Variants in BCKDHB observed in about 807,000 individuals in gnomAD.
The protein encoded by BCKDHB is 2-oxoisovalerate dehydrogenase subunit beta, mitochondrial.
In BCKDHB, 41 loss-of-function variants were observed where a neutral mutation model predicts 48.5. The ratio of observed to expected loss-of-function variants is 0.85; its 90% CI spans 0.66 to 1.10. The LOEUF (loss-of-function observed/expected upper bound fraction) is 1.10, where lower values mean the gene tolerates loss of function less well. Ranked by LOEUF, BCKDHB falls within the 50% of genes least tolerant of loss-of-function variation. BCKDHB has a pLI of 0.00. For missense variants in BCKDHB, 496 were observed against 494.2 expected (o/e 1.00, Z -0.03); for synonymous variants, 201 against 174.8 (o/e 1.15, Z -1.18).
chr6:80,266,535 T>C (rs776430946), intron 8 of BCKDHB, among the ~76,000 whole-genome samples: 2 of 152,102 alleles, frequency 1.3e-5, no homozygotes, highest in Non-Finnish European at 2.9e-5. Context: ...AACGGGAAGC[T>C]TGTGTTCAGT....
chr6:80,459,588 T>C, the BCKDHB span, among the ~76,000 whole-genome samples: 3 of 151,978 alleles, frequency 2.0e-5, no homozygotes, highest in Non-Finnish European at 4.4e-5. Context: ...ATGTACTGTA[T>C]GCTTAAAATT....
In BCKDHB at chr6:80,230,023, G is replaced by GTTTTTTTTTTTTT. The variant is rs1215666594; in HGVS notation, c.951+26813_951+26814insTTTTTTTTTTTTT. Reference sequence around the variant, plus strand: ...ATTTGAATTCCAAAGGGGTTTTTAGGTTGTTTTTTTTTTTTTTTTTTTTTT... The same window carrying GTTTTTTTTTTTTT: ...ATTTGAATTCCAAAGGGGTTTTTAGGTTTTTTTTTTTTTTTGTTTTTTTTTTTTTTTTTTTTTT... On this transcript the variant is annotated intron_variant, in intron 8 of 9. Coordinates refer to ENST00000320393, the MANE Select transcript of BCKDHB (RefSeq NM_183050.4). Among the ~76,000 whole-genome samples, 5 of 89,510 alleles carry GTTTTTTTTTTTTT rather than the reference G, an allele frequency of 5.6e-5. 1 individual carries two copies. The highest frequency in any genetic ancestry group is 1.7e-4 in the African/African-American group (3 of 17,634). 58.7% of individuals were successfully genotyped at this position (89,510 alleles called of 152,430 possible). A position where few individuals can be genotyped will look rare whatever the true frequency, so the allele number is the denominator to read the frequency against.
intron 9 of BCKDHB, among the ~76,000 whole-genome samples, chr6:80,334,445 A>G (rs939652631): frequency 6.6e-6 from 1 of 152,058 alleles, no homozygotes; most frequent in Non-Finnish European, 1.5e-5. Flanking sequence ...ATGGGGTTCA[A>G]TTAACAAATT....
chr6:80,424,788 G>A, the BCKDHB span, among the ~76,000 whole-genome samples: 1 of 152,180 alleles, frequency 6.6e-6, no homozygotes, highest in South Asian at 2.1e-4. Flanking sequence ...TTTTAGCAAA[G>A]GGTATTTTTG....
Position 80,168,179 on chromosome 6 carries a change from T to C in BCKDHB, c.477+368T>C, listed in dbSNP as rs192435454. ...CACATACCTGTCATCCCAGTTACTC[T>C]GGTGGCTGAGGCAGGAGGATAACTT... On this transcript the variant is annotated intron_variant, in intron 4 of 9. Coordinates refer to ENST00000320393, the MANE Select transcript of BCKDHB (RefSeq NM_183050.4). Among the ~76,000 whole-genome samples, 4 of 151,902 alleles carry C rather than the reference T, an allele frequency of 2.6e-5. No homozygotes were observed. In the South Asian group the frequency reaches 6.2e-4, roughly 24 times the overall value.
At chr6:80,127,656 C>T (rs769155158) in intron 2 of BCKDHB, 32 bp downstream of exon 2, 19 of 1,552,214 alleles carry the variant, frequency 1.2e-5, no homozygotes, top group Non-Finnish European at 1.7e-5. Flanking sequence ...ATTGTGGTAG[C>T]TGTGTTAATT....
intron 8 of BCKDHB, among the ~76,000 whole-genome samples, chr6:80,263,528 A>G (rs901164806): frequency 4.6e-5 from 7 of 151,172 alleles, no homozygotes; most frequent in African/African-American, 1.7e-4. Context: ...CAAAAACCCA[A>G]AAGATTTTAA....
At chr6:80,419,800 C>T in the BCKDHB span, among the ~76,000 whole-genome samples, 2 of 152,186 alleles carry the variant, frequency 1.3e-5, no homozygotes, top group African/African-American at 2.4e-5. Context: ...GTCCCATGAA[C>T]GGTTCCCAGC....
the BCKDHB span, among the ~76,000 whole-genome samples, chr6:80,460,704 G>A: frequency 6.6e-6 from 1 of 152,108 alleles, no homozygotes; most frequent in African/African-American, 2.4e-5. Flanking sequence ...AACCTGATGA[G>A]CTCTATCCCA....
At chr6:80,234,690 G>C (rs527521085) in intron 8 of BCKDHB, among the ~76,000 whole-genome samples, 4 of 152,106 alleles carry the variant, frequency 2.6e-5, no homozygotes, top group African/African-American at 7.2e-5. Context: ...TGCTGGCTGT[G>C]TATACTAAAA....
chr6:80,435,429 A>C, the BCKDHB span, among the ~76,000 whole-genome samples: 4 of 152,328 alleles, frequency 2.6e-5, no homozygotes, highest in East Asian at 7.7e-4. Flanking sequence ...CAACTCATTC[A>C]TAACTTTATT....
At chr6:80,146,201 C>G (rs74515978) in intron 3 of BCKDHB, among the ~76,000 whole-genome samples, 10,945 of 152,028 alleles carry the variant, frequency 0.072, 591 homozygotes, top group South Asian at 0.24. Flanking sequence ...AACTACTGCT[C>G]TGGAAGGTAC....
the BCKDHB span, among the ~76,000 whole-genome samples, chr6:80,386,913 T>C: frequency 1.3e-5 from 2 of 152,138 alleles, no homozygotes; most frequent in Non-Finnish European, 2.9e-5. Flanking sequence ...CTTGAATGAA[T>C]GGGAGGAGGG....
At chr6:80,205,791 GGTGT>G (rs3840387) in intron 8 of BCKDHB, among the ~76,000 whole-genome samples, 2,929 of 135,098 alleles carry the variant, frequency 0.022, 30 homozygotes, top group East Asian at 0.044. Flanking sequence ...CTGTGCCATG[GGTGT>G]GTGTGTGTGT....
At chr6:80,453,972 G>A in the BCKDHB span, 1 of 152,174 alleles carries the variant, frequency 6.6e-6, no homozygotes, top group Admixed American at 6.5e-5. Context: ...CCCTGAGAAA[G>A]GCTCTGCTTA....
chr6:80,106,930 G>A (rs1377222692), intron 1 of BCKDHB, 41 bp downstream of exon 1: 2 of 1,572,418 alleles, frequency 1.3e-6, no homozygotes, highest in African/African-American at 1.4e-5. Flanking sequence ...CTGCAGCCCG[G>A]ACTCCCAGGC....
chr6:80,394,253 T>C, the BCKDHB span, among the ~76,000 whole-genome samples: 1 of 152,140 alleles, frequency 6.6e-6, no homozygotes. Flanking sequence ...TCTTTATTTG[T>C]TCTACTTTCT....
chr6:80,214,615 G>A (rs1775085058), intron 8 of BCKDHB, among the ~76,000 whole-genome samples: 6 of 152,176 alleles, frequency 3.9e-5, no homozygotes, highest in African/African-American at 1.4e-4. Context: ...ATAACCACTA[G>A]AGGCCTCTCT....
intron 9 of BCKDHB, among the ~76,000 whole-genome samples, chr6:80,285,313 TA>T (rs1344796460): frequency 1.3e-5 from 2 of 152,222 alleles, no homozygotes; most frequent in Non-Finnish European, 2.9e-5. Context: ...AAGTACTGCA[TA>T]AATGTTGATA....
Sources: gnomAD v4.1 joint callset for allele counts (sites outside exome capture counted in the v4.1 genomes callset) on GRCh38, gnomAD v4.1.1 for gene constraint, MANE v1.5 for transcripts, NCBI Gene and HGNC (gene_info 2026-07-23, HGNC 2026-07-21) for gene names.